SHPK: variants seen among roughly 807,000 people sequenced by gnomAD.
The protein encoded by SHPK is sedoheptulokinase, also known as carbohydrate kinase-like protein.
In SHPK, 51 loss-of-function variants were observed where a neutral mutation model predicts 46.3. The ratio of observed to expected loss-of-function variants is 1.10; its 90% CI spans 0.88 to 1.39. The LOEUF (loss-of-function observed/expected upper bound fraction) is 1.39, where lower values mean the gene tolerates loss of function less well. Among genes scored for constraint, SHPK ranks in the 40% most tolerant of loss-of-function variants. The probability of loss-of-function intolerance (pLI) is 0.00; values close to 1 mark genes in which losing one functional copy is unlikely to be tolerated. For synonymous variants in SHPK, 290 were observed against 273.9 expected, an observed-to-expected ratio of 1.06 and a Z score of -0.58; for missense variants, 668 against 641.3, an observed-to-expected ratio of 1.04 and a Z score of -0.45.
chr17:3,628,999 C>A (rs959158435), intron 2 of SHPK, among the ~76,000 whole-genome samples: 2 of 152,092 alleles, frequency 1.3e-5, no homozygotes, highest in Non-Finnish European at 2.9e-5. Flanking sequence ...CTCCCAACTT[C>A]CTGCAGGAGC....
In SHPK at chr17:3,621,254, G is replaced by A; in HGVS notation, c.806C>T (p.Ala269Val). 1.6e-5 allele frequency: 26 copies of A among 1,613,062 alleles called. No homozygotes were observed. Among genetic ancestry groups the A allele is most frequent in the Non-Finnish European group, 2.1e-5 (25 of 1,179,546 alleles). The change falls in exon 5 of 7, where the codon GCC becomes GTC. Residue 269 changes from alanine (A) to valine (V), a missense_variant. Coordinates refer to ENST00000225519, the MANE Select transcript of SHPK (RefSeq NM_013276.4). ...DLQASVYSCM[A>V]QRTDAVLNIS... ...AAACTTACCTGCATCTGTCCTCTGG[G>A]CCATGCAGGAATAGACAGAGGCCTG...
intron 6 of SHPK, among the ~76,000 whole-genome samples, chr17:3,614,820 C>A (rs897036534): frequency 6.6e-6 from 1 of 151,012 alleles, no homozygotes; most frequent in African/African-American, 2.4e-5. Flanking sequence ...TGCACTCCAG[C>A]CTGGGTGACA....
chr17:3,614,567 G>C lies in SHPK; in HGVS notation c.1024+770C>G, dbSNP rs187168714. On this transcript the variant is annotated intron_variant, in intron 6 of 6. Coordinates refer to ENST00000225519, the MANE Select transcript of SHPK (RefSeq NM_013276.4). ...AAAAGAAAAGAAATGCCTACATCAG[G>C]CCAGGCACAGTGGCTCATGCCTATA... 6.8e-3 allele frequency among the ~76,000 whole-genome samples: 1,019 copies of C among 150,396 alleles called. 21 individuals carry two copies. Among genetic ancestry groups the C allele is most frequent in the African/African-American group, 0.024 (968 of 40,426 alleles).
At chr17:3,629,544 AT>A (rs2075457793) in intron 2 of SHPK, among the ~76,000 whole-genome samples, 1 of 151,976 alleles carries the variant, frequency 6.6e-6, no homozygotes, top group South Asian at 2.1e-4. Flanking sequence ...CCTGGCCAAC[AT>A]GGTGAAACCC....
chr17:3,614,216 G>T (rs985681023), intron 6 of SHPK, among the ~76,000 whole-genome samples: 1 of 152,134 alleles, frequency 6.6e-6, no homozygotes, highest in African/African-American at 2.4e-5. Context: ...ACCCCGCACC[G>T]TGCTTCTTTA....
intron 1 of SHPK, 113 bp downstream of exon 1, chr17:3,635,939 C>A (rs1035345648): frequency 2.8e-6 from 3 of 1,090,008 alleles, no homozygotes; most frequent in Non-Finnish European, 3.8e-6. Context: ...AAGCTGGGGA[C>A]AAGCTGGAAT....
intron 5 of SHPK, among the ~76,000 whole-genome samples, 192 bp downstream of exon 5, chr17:3,621,045 C>T (rs2075397137): frequency 6.6e-6 from 1 of 152,202 alleles, no homozygotes; most frequent in African/African-American, 2.4e-5. Flanking sequence ...ACTTGCCCTG[C>T]TGGCCTGTAA....
intron 5 of SHPK, among the ~76,000 whole-genome samples, chr17:3,620,655 G>A (rs1016158682): frequency 2.6e-5 from 4 of 151,248 alleles, no homozygotes; most frequent in Admixed American, 6.6e-5. Flanking sequence ...TCCGCCTCCC[G>A]GGTTCAAGCG....
rs16953301 is a variant in SHPK at position 3,610,053 on chromosome 17, C to T, written c.*507G>A. 0.037 allele frequency: 5,658 copies of T among 154,328 alleles called. 127 individuals are homozygous for T. Among genetic ancestry groups the T allele is most frequent in the Middle Eastern group, 0.082 (24 of 294 alleles). 9.6% of individuals were successfully genotyped at this position (154,328 alleles called of 1,614,324 possible). Reference sequence around the variant, plus strand: ...AGGATGAGACTAGGAAAGGGGCCTCCGGTCACATGGTTCAGTCCAGGAGAC... The same window carrying T: ...AGGATGAGACTAGGAAAGGGGCCTCTGGTCACATGGTTCAGTCCAGGAGAC... On this transcript the variant is annotated 3_prime_UTR_variant, in exon 7 of 7. Coordinates refer to ENST00000225519, the MANE Select transcript of SHPK (RefSeq NM_013276.4).
At chr17:3,631,028 G>A (rs1365330512) in intron 1 of SHPK, among the ~76,000 whole-genome samples, 1 of 152,122 alleles carries the variant, frequency 6.6e-6, no homozygotes, top group African/African-American at 2.4e-5. Flanking sequence ...TTCCCTCCCG[G>A]GAGTGCTGTC....
At chr17:3,635,207 AAGGAAGGAAGG>A (rs1567688837) in intron 1 of SHPK, among the ~76,000 whole-genome samples, 6 of 122,754 alleles carry the variant, frequency 4.9e-5, no homozygotes, top group Admixed American at 8.7e-5. Flanking sequence ...GGAAGGAAGG[AAGGAAGGAAGG>A]AAGGAAGGAA....
Position 3,623,471 on chromosome 17 carries a change from T to C in SHPK, c.515A>G (p.Tyr172Cys), listed in dbSNP as rs749527531. The C allele has an allele frequency of 4.8e-5, 77 of 1,614,148 alleles. No homozygotes were observed. The highest frequency in any genetic ancestry group is 6.1e-5 in the Non-Finnish European group (72 of 1,179,992). The change falls in exon 4 of 7, where the codon TAC becomes TGC. Residue 172 changes from tyrosine to cysteine, a missense_variant. Transcript: ENST00000225519. ...GTCGTGGATGGTACCGGCTGCGTCGTAGGACTTCAGGAACTCTGGGCTGTT... is the reference window on the plus strand; with the variant it reads ...GTCGTGGATGGTACCGGCTGCGTCGCAGGACTTCAGGAACTCTGGGCTGTT... Reference protein sequence around the residue: ...LKYRPEFLKSYDAAGTIHDYV... With the variant: ...LKYRPEFLKSCDAAGTIHDYV...
At chr17:3,629,212 A>G (rs1010421760) in intron 2 of SHPK, among the ~76,000 whole-genome samples, 1 of 152,158 alleles carries the variant, frequency 6.6e-6, no homozygotes. Context: ...TCATCCACAC[A>G]ATGGGGACAA....
At chr17:3,618,816 T>C (rs1483458144) in intron 5 of SHPK, among the ~76,000 whole-genome samples, 2 of 152,110 alleles carry the variant, frequency 1.3e-5, no homozygotes, top group Non-Finnish European at 2.9e-5. Flanking sequence ...TTGACAGACA[T>C]TTAGATGGTT....
At position 3,610,665 on chromosome 17, in the gene SHPK, C is replaced by T. The variant is rs1312877500; in HGVS notation, c.1332G>A (p.Val444=). 1 of 1,614,084 alleles carries T rather than the reference C, an allele frequency of 6.2e-7. No homozygotes were observed. Among genetic ancestry groups the T allele is most frequent in the Admixed American group, 1.7e-5 (1 of 60,032 alleles). The part of the protein sequence containing the change: ...LSRNDVLKQE[V]QRAFPLPMSF... ...ACATGGGCAAAGGGAAAGCCCTCTG[C>T]ACCTCCTGCTTCAGCACGTCATTCC... is the stretch of plus-strand genomic sequence containing the variant. The change falls in exon 7 of 7, where the codon GTG becomes GTA. Residue 444 remains valine, a synonymous_variant. Coordinates refer to ENST00000225519, the MANE Select transcript of SHPK (RefSeq NM_013276.4).
chr17:3,613,205 G>A (rs887390926), intron 6 of SHPK, among the ~76,000 whole-genome samples: 1 of 152,198 alleles, frequency 6.6e-6, no homozygotes, highest in Admixed American at 6.5e-5. Context: ...TAACACTTCA[G>A]GCCTCAGAAT....
At position 3,610,387 on chromosome 17, in the gene SHPK, G is replaced by T; in HGVS notation, c.*173C>A. 1 of 664,700 alleles carries T rather than the reference G, an allele frequency of 1.5e-6. No homozygotes were observed. Among genetic ancestry groups the T allele is most frequent in the Non-Finnish European group, 2.5e-6 (1 of 400,994 alleles). 41.2% of individuals were successfully genotyped at this position (664,700 alleles called of 1,614,324 possible). A position where few individuals can be genotyped will look rare whatever the true frequency, so the allele number is the denominator to read the frequency against. On this transcript the variant is annotated 3_prime_UTR_variant, in exon 7 of 7. Transcript: ENST00000225519. ...GGGATCTGGCTGACGGCTCCTGGCTGCATTATTAGAGTATGTTCTGAAGGT... is the reference window on the plus strand; with the variant it reads ...GGGATCTGGCTGACGGCTCCTGGCTTCATTATTAGAGTATGTTCTGAAGGT...
chr17:3,616,103 C>T (rs778392281), intron 5 of SHPK, among the ~76,000 whole-genome samples: 3 of 152,134 alleles, frequency 2.0e-5, no homozygotes, highest in South Asian at 4.1e-4. Flanking sequence ...CCACCCACCT[C>T]GGCCTCCCAA....
intron 1 of SHPK, among the ~76,000 whole-genome samples, chr17:3,635,194 G>GAAGA (rs2075504618): frequency 5.6e-5 from 3 of 53,630 alleles, no homozygotes; most frequent in Admixed American, 1.7e-4. Flanking sequence ...AGGAAAGAAT[G>GAAGA]AAGGAAGGAA....
Sources: gnomAD v4.1 joint callset for allele counts (sites outside exome capture counted in the v4.1 genomes callset) on GRCh38, gnomAD v4.1.1 for gene constraint, MANE v1.5 for transcripts, NCBI Gene and HGNC (gene_info 2026-07-23, HGNC 2026-07-21) for gene names.